The following LYZL2 variants were observed in gnomAD, a reference collection of about 807,000 sequenced individuals.
LYZL2 encodes the protein lysozyme-like protein 2.
Under a neutral mutation model 17.1 loss-of-function variants are expected in LYZL2, and 13 were observed. The ratio of observed to expected loss-of-function variants is 0.76; its 90% confidence interval spans 0.49 to 1.21. The LOEUF (loss-of-function observed/expected upper bound fraction) is 1.21. LYZL2 is among the 50% of genes most tolerant of loss of function. The pLI, the probability that LYZL2 is intolerant of heterozygous loss-of-function variation, is 0.00. For missense variants in LYZL2, 166 were observed against 189.2 expected (o/e 0.88, Z 0.72); for synonymous variants, 63 against 74.4 (o/e 0.85, Z 0.79).
Position 30,629,620 on chromosome 10 carries a change from G to A in LYZL2, c.-53C>T, listed in dbSNP as rs201069868. ...AAAAGGCAGATTCCTGGTGCCTGCC[G>A]CAGAGGCTGACTTCTCAGTTGAGTC... On this transcript the variant is annotated 5_prime_UTR_variant, in exon 1 of 5. Transcript: ENST00000647634. The A allele has an allele frequency of 4.1e-5, 59 of 1,453,034 alleles. No homozygotes were observed. The highest frequency in any genetic ancestry group is 3.6e-4 in the East Asian group (15 of 41,782). 90.0% of individuals were successfully genotyped at this position (1,453,034 alleles called of 1,614,324 possible).
At chr10:30,616,539 CA>C (rs1338769984) in intron 3 of LYZL2, among the ~76,000 whole-genome samples, 2 of 152,160 alleles carry the variant, frequency 1.3e-5, no homozygotes, top group Admixed American at 1.3e-4. Flanking sequence ...CAAACAACAA[CA>C]AAAAAGTCTT....
chr10:30,607,661 C>T (rs935599665), downstream of LYZL2, among the ~76,000 whole-genome samples: 3 of 152,126 alleles, frequency 2.0e-5, no homozygotes, highest in Non-Finnish European at 4.4e-5. Context: ...GTGAAGCTGC[C>T]TTCCTGGCCC....
chr10:30,620,182 A>G (rs1331326713), intron 3 of LYZL2, among the ~76,000 whole-genome samples: 1 of 152,240 alleles, frequency 6.6e-6, no homozygotes. Context: ...CACAAAAAAT[A>G]AAAATAAAAA....
intron 4 of LYZL2, 51 bp downstream of exon 4, chr10:30,612,771 A>G: frequency 7.3e-7 from 1 of 1,371,180 alleles, no homozygotes; most frequent in Non-Finnish European, 1.0e-6. Context: ...ATAAATACAC[A>G]CACTAGGTTT....
chr10:30,621,746 G>A (rs1486055056), intron 3 of LYZL2, among the ~76,000 whole-genome samples: 2 of 152,072 alleles, frequency 1.3e-5, no homozygotes, highest in African/African-American at 4.8e-5. Flanking sequence ...ACAAAACAAA[G>A]TTAAAGAAAG....
chr10:30,626,336 G>A, intron 2 of LYZL2, 73 bp from the exon 3 acceptor site: 1 of 1,579,730 alleles, frequency 6.3e-7, no homozygotes, highest in Non-Finnish European at 8.6e-7. Flanking sequence ...CTAAGGGCAA[G>A]TTTCCTCATC....
chr10:30,607,987 G>A (rs553962044), downstream of LYZL2, among the ~76,000 whole-genome samples: 1 of 152,320 alleles, frequency 6.6e-6, no homozygotes, highest in Admixed American at 6.5e-5. Flanking sequence ...TGCCCAGCCA[G>A]ACTAGAGGGC....
rs1838650726 is a variant in LYZL2, at chr10:30,623,136, C to T, written c.298+2969G>A. On this transcript the variant is annotated intron_variant, in intron 3 of 4. Transcript: ENST00000647634. ...CCCTCAAAGAATATATGCCTAAGAA[C>T]AAAGCTTCAAAAATGGACGAGACTG... is the stretch of plus-strand genomic sequence containing the variant. Among the ~76,000 whole-genome samples the T allele has an allele frequency of 3.3e-5, 5 of 152,126 alleles. No individual in the cohort carries two copies. The South Asian group carries it at 1.0e-3, about 32-fold the overall frequency.
intron 3 of LYZL2, among the ~76,000 whole-genome samples, chr10:30,619,884 C>G (rs1838593231): frequency 6.6e-6 from 1 of 151,782 alleles, no homozygotes; most frequent in Admixed American, 6.6e-5. Flanking sequence ...ACAGCTCTTT[C>G]AAATACTAAA....
chr10:30,611,775 C>T (rs993741063), downstream of LYZL2: 13 of 922,362 alleles, frequency 1.4e-5, no homozygotes, highest in African/African-American at 7.7e-5. Flanking sequence ...AAAAGGGAAC[C>T]GAGTCAGGGT....
At position 30,629,748 on chromosome 10, in the gene LYZL2, T is replaced by A. The variant is rs762572227; in HGVS notation, c.-181A>T. On this transcript the variant is annotated 5_prime_UTR_variant, in exon 1 of 5. In the 5' UTR this introduces an upstream ATG that the reference lacks. Coordinates refer to ENST00000647634, the MANE Select transcript of LYZL2 (RefSeq NM_183058.3). ...GATTCTAACAAGGCTCGAGTAATCC[T>A]TTCCTAGCTCAAGAACCTTTCTTTA... 1.3e-6 allele frequency: 2 copies of A among 1,565,930 alleles called. No individual in the cohort carries two copies. Among genetic ancestry groups the A allele is most frequent in the Non-Finnish European group, 1.7e-6 (2 of 1,151,480 alleles).
chr10:30,623,854 T>G (rs1205114448), intron 3 of LYZL2, among the ~76,000 whole-genome samples: 2 of 152,142 alleles, frequency 1.3e-5, no homozygotes, highest in Admixed American at 1.3e-4. Context: ...CCACGGAAAA[T>G]TTGTCTTCCA....
intron 3 of LYZL2, among the ~76,000 whole-genome samples, chr10:30,618,505 C>T (rs1838570062): frequency 6.6e-6 from 1 of 152,080 alleles, no homozygotes; most frequent in African/African-American, 2.4e-5. Context: ...AGAACAGAGC[C>T]CTCAGAAATA....
intron 3 of LYZL2, among the ~76,000 whole-genome samples, chr10:30,617,333 C>T (rs1265897102): frequency 4.6e-5 from 7 of 152,036 alleles, no homozygotes; most frequent in African/African-American, 1.7e-4. Context: ...TTTTGTTGCA[C>T]AATTGGGATG....
At chr10:30,619,502 A>G (rs1180797385) in intron 3 of LYZL2, among the ~76,000 whole-genome samples, 1 of 152,156 alleles carries the variant, frequency 6.6e-6, no homozygotes, top group Non-Finnish European at 1.5e-5. Flanking sequence ...CAGCCATAAA[A>G]AAGGATGAGT....
At chr10:30,606,926 T>C (rs1409001355), downstream of LYZL2, among the ~76,000 whole-genome samples, 1 of 127,512 alleles carries the variant, frequency 7.8e-6, no homozygotes, top group Non-Finnish European at 1.8e-5. Flanking sequence ...TTTTTTTTTT[T>C]TTAAGAGATG....
At chr10:30,608,030 C>T (rs866590267), downstream of LYZL2, among the ~76,000 whole-genome samples, 1 of 152,134 alleles carries the variant, frequency 6.6e-6, no homozygotes, top group African/African-American at 2.4e-5. Flanking sequence ...GCAGCCTCAG[C>T]CTCCCAAGCT....
chr10:30,628,617 T>G (rs1184435822), intron 1 of LYZL2, among the ~76,000 whole-genome samples: 1 of 152,208 alleles, frequency 6.6e-6, no homozygotes, highest in African/African-American at 2.4e-5. Flanking sequence ...GAACTTGATG[T>G]TCTTACATAT....
intron 3 of LYZL2, among the ~76,000 whole-genome samples, chr10:30,616,318 A>C (rs1240164991): frequency 1.3e-5 from 2 of 152,246 alleles, no homozygotes; most frequent in African/African-American, 4.8e-5. Context: ...TAGCAATTGA[A>C]ACAACATACG....
Sources: gnomAD v4.1 joint callset for allele counts (sites outside exome capture counted in the v4.1 genomes callset) on GRCh38, gnomAD v4.1.1 for gene constraint, MANE v1.5 for transcripts, NCBI Gene and HGNC (gene_info 2026-07-23, HGNC 2026-07-21) for gene names.